Variants in MDM1 observed in about 807,000 individuals in gnomAD.
MDM1 encodes the protein stabilizer of axonemal microtubules 6.
In MDM1, 61 loss-of-function variants were observed where a neutral mutation model predicts 89.1. The ratio of observed to expected loss-of-function variants is 0.68; its 90% confidence interval spans 0.56 to 0.85. MDM1 has a LOEUF of 0.85. Ranked by LOEUF, MDM1 falls within the 40% of genes least tolerant of loss-of-function variation. MDM1 has a pLI of 0.00. For synonymous variants in MDM1, 290 were observed against 294.1 expected, an observed-to-expected ratio of 0.99 and a Z score of 0.14; for missense variants, 820 against 846.5, an observed-to-expected ratio of 0.97 and a Z score of 0.39.
chr12:68,311,327 C>T (rs532438846), intron 12 of MDM1, among the ~76,000 whole-genome samples: 1 of 152,248 alleles, frequency 6.6e-6, no homozygotes, highest in East Asian at 1.9e-4. Context: ...TCCCACATTC[C>T]CCTGGCCCAC....
intron 4 of MDM1, among the ~76,000 whole-genome samples, chr12:68,324,599 C>A (rs979209551): frequency 6.6e-6 from 1 of 151,990 alleles, no homozygotes; most frequent in Non-Finnish European, 1.5e-5. Context: ...TCAGTTCTTA[C>A]GGCTATACAA....
At chr12:68,296,307 G>A (rs1871373960) in intron 14 of MDM1, among the ~76,000 whole-genome samples, 2 of 152,184 alleles carry the variant, frequency 1.3e-5, no homozygotes, top group Admixed American at 6.5e-5. Context: ...AGACCATCCT[G>A]GCCAACATGG....
intron 12 of MDM1, among the ~76,000 whole-genome samples, chr12:68,310,071 A>C (rs558981245): frequency 6.6e-6 from 1 of 152,296 alleles, no homozygotes; most frequent in African/African-American, 2.4e-5. Context: ...CCTGGGTTGA[A>C]GTGATTCTTG....
chr12:68,320,711 C>CA (rs977191287), intron 7 of MDM1, among the ~76,000 whole-genome samples: 4 of 150,750 alleles, frequency 2.7e-5, no homozygotes, highest in African/African-American at 7.3e-5. Context: ...ACAGAAAAGG[C>CA]AAAAAAAAGT....
chr12:68,295,392 T>C, intron 14 of MDM1, 26 bp from the exon 15 acceptor site: 1 of 1,392,684 alleles, frequency 7.2e-7, no homozygotes, highest in Non-Finnish European at 1.0e-6. Flanking sequence ...CCCGAGATTA[T>C]ATTCATTGCC....
intron 2 of MDM1, among the ~76,000 whole-genome samples, chr12:68,328,305 GA>G (rs1206178321): frequency 1.1e-4 from 16 of 152,270 alleles, no homozygotes; most frequent in Middle Eastern, 3.4e-3. Context: ...ATATGAGAGG[GA>G]TGTCATGTGA....
In MDM1 at chr12:68,302,750, TG is replaced by T; in HGVS notation, c.1871del (p.Pro624GlnfsTer50). ...NIHKFAEATL[P>X]VSKIPKYPTN... ...TTGGGTATTTTGGAATTTTTGAAAC[TG>T]GAAGAGTTGCCTCAGCAAATTTGTG... On this transcript the variant is annotated frameshift_variant, in exon 13 of 15. Transcript: ENST00000682720. LOFTEE classifies it high-confidence loss of function. 6.2e-7 allele frequency: 1 copy of T among 1,614,118 alleles called. No homozygotes were observed. The highest frequency in any genetic ancestry group is 8.5e-7 in the Non-Finnish European group (1 of 1,180,004).
rs777758445 is a variant in MDM1, at chr12:68,315,276, A to C, written c.1212-11T>G. The C allele has an allele frequency of 6.3e-7, 1 of 1,594,940 alleles. No individual in the cohort carries two copies. The highest frequency in any genetic ancestry group is 1.8e-5 in the Admixed American group (1 of 56,090). ...TGGCTTGTAGGATCTCTGCGTAACAAAATCAATTTTATTTTAAATGTGAAT... is the reference window on the plus strand; with the variant it reads ...TGGCTTGTAGGATCTCTGCGTAACACAATCAATTTTATTTTAAATGTGAAT... On this transcript the variant is annotated splice_polypyrimidine_tract_variant and intron_variant, in intron 9 of 14. Transcript: ENST00000682720.
In MDM1 at chr12:68,295,138, TAAATATTTCAAA is replaced by T; in HGVS notation, c.*104_*115del. The T allele has an allele frequency of 6.4e-6, 4 of 623,268 alleles. No individual in the cohort carries two copies. Among genetic ancestry groups the T allele is most frequent in the Non-Finnish European group, 1.1e-5 (4 of 351,252 alleles). The allele number at this position is 623,268 out of a possible 1,614,324, so 38.6% of individuals were successfully genotyped here. ...CCAAGTAAACTGTTCTATTGGAAAT[TAAATATTTCAAA>T]GTAGAAAACGTTAGGAAAAACTTCA... On this transcript the variant is annotated 3_prime_UTR_variant, in exon 15 of 15. Coordinates refer to ENST00000682720, the MANE Select transcript of MDM1 (RefSeq NM_001354969.2).
intron 12 of MDM1, 115 bp from the exon 13 acceptor site, chr12:68,302,987 AGAATT>A: frequency 1.2e-6 from 1 of 867,514 alleles, no homozygotes; most frequent in Non-Finnish European, 1.7e-6. Flanking sequence ...GAAATATGAG[AGAATT>A]TATGCAACAT....
At chr12:68,306,728 T>C (rs1008375583) in intron 12 of MDM1, among the ~76,000 whole-genome samples, 7 of 152,116 alleles carry the variant, frequency 4.6e-5, no homozygotes, top group Admixed American at 2.0e-4. Flanking sequence ...AGTCAAAAAA[T>C]AACAGATGTT....
Position 68,295,264 on chromosome 12 carries a change from C to A in MDM1, c.2165G>T (p.Gly722Val). ...GCAACTCAGCTAGGTTTATGTTTTA[C>A]CCCAGAAATTCTCCTTCCTTTTCTT... ...RAKKRKENFW[G>V]KT Residue 722 changes from glycine to valine, a missense_variant, in exon 15 of 15, where the codon GGT becomes GTT. By Grantham distance (109) the Gly-to-Val change is moderately radical (BLOSUM62 -3). Transcript: ENST00000682720. 6.2e-7 allele frequency: 1 copy of A among 1,610,276 alleles called. No homozygotes were observed.
intron 12 of MDM1, among the ~76,000 whole-genome samples, chr12:68,312,392 T>C (rs1353183399): frequency 6.6e-6 from 1 of 152,140 alleles, no homozygotes; most frequent in African/African-American, 2.4e-5. Flanking sequence ...CACCCTTGAT[T>C]TTTCTCTTTC....
chr12:68,295,414 TTAAA>T, intron 14 of MDM1, 48 bp from the exon 15 acceptor site: 1 of 1,139,738 alleles, frequency 8.8e-7, no homozygotes, highest in South Asian at 1.3e-5. Context: ...AAAATATCTA[TTAAA>T]TAAACATTGT....
intron 7 of MDM1, among the ~76,000 whole-genome samples, chr12:68,318,522 C>T (rs1874796021): frequency 6.6e-6 from 1 of 152,138 alleles, no homozygotes; most frequent in African/African-American, 2.4e-5. Context: ...TTATTAATCT[C>T]AGTGCTAATA....
chr12:68,329,248 G>A (rs1592997354), intron 2 of MDM1, among the ~76,000 whole-genome samples: 1 of 152,168 alleles, frequency 6.6e-6, no homozygotes. Context: ...CCCAGTCTCT[G>A]AAGTTTGCCG....
rs1031203889 is a variant in MDM1 at position 68,314,853 on chromosome 12, T to C, written c.1529+95A>G. 4 of 1,087,230 alleles carry C rather than the reference T, an allele frequency of 3.7e-6. No homozygotes were observed. In the South Asian group the frequency reaches 4.6e-5, roughly 13 times the overall value. The allele number at this position is 1,087,230 out of a possible 1,614,324, so 67.3% of individuals were successfully genotyped here. ...AATAAAATCTGCAATTTATTAGTCA[T>C]AAAATCAAAAGAGTAAACCACTATA... On this transcript the variant is annotated intron_variant, in intron 10 of 14. Coordinates refer to ENST00000682720, the MANE Select transcript of MDM1 (RefSeq NM_001354969.2).
chr12:68,295,181 A>C lies in MDM1; in HGVS notation c.*73T>G, dbSNP rs567905870. ...AAACGTTAGGAAAAACTTCACTCAA[A>C]AAATTTTAACACAGTAAGCAATAAA... On this transcript the variant is annotated 3_prime_UTR_variant, in exon 15 of 15. Coordinates refer to ENST00000682720, the MANE Select transcript of MDM1 (RefSeq NM_001354969.2). The C allele has an allele frequency of 1.2e-4, 112 of 960,202 alleles. No homozygotes were observed. Among genetic ancestry groups the C allele is most frequent in the Non-Finnish European group, 1.6e-4 (103 of 628,626 alleles). The allele number at this position is 960,202 out of a possible 1,614,324, so 59.5% of individuals were successfully genotyped here. A position where few individuals can be genotyped will look rare whatever the true frequency, so the allele number is the denominator to read the frequency against.
At chr12:68,323,816 A>G (rs1013176950) in intron 4 of MDM1, among the ~76,000 whole-genome samples, 1 of 152,214 alleles carries the variant, frequency 6.6e-6, no homozygotes, top group African/African-American at 2.4e-5. Context: ...TGGGGAACTC[A>G]GTCAAGTTAT....
Sources: allele counts gnomAD v4.1 joint callset (sites outside exome capture counted in the v4.1 genomes callset), GRCh38; gene constraint gnomAD v4.1.1; transcripts MANE v1.5; gene names NCBI Gene and HGNC (gene_info 2026-07-23, HGNC 2026-07-21).